TNRC18: variants seen among roughly 807,000 people sequenced by gnomAD.
TNRC18 encodes trinucleotide repeat-containing gene 18 protein.
TNRC18 carries 69 observed loss-of-function variants against 226.7 expected under a neutral mutation model. That is an observed-to-expected ratio of 0.30 (90% CI 0.25 to 0.37). The LOEUF (loss-of-function observed/expected upper bound fraction) is 0.37. Among genes scored for constraint, TNRC18 ranks in the 10% least tolerant of loss-of-function variants. The pLI is 1.00. For synonymous variants in TNRC18, 2,449 were observed against 1,927.6 expected (o/e 1.27, Z -7.09); for missense variants, 4,754 against 4,256.6 (o/e 1.12, Z -3.25).
chr7:5,362,358 G>A (rs1278206960), intron 12 of TNRC18, among the ~76,000 whole-genome samples: 2 of 151,822 alleles, frequency 1.3e-5, no homozygotes, highest in African/African-American at 4.8e-5. Context: ...CCCAGGCCCC[G>A]TGGGCACCTA....
chr7:5,363,461 G>A (rs985184264), intron 11 of TNRC18, among the ~76,000 whole-genome samples: 5 of 152,110 alleles, frequency 3.3e-5, no homozygotes, highest in South Asian at 2.1e-4. Flanking sequence ...AAAATTAGCC[G>A]GGTGTGGTGG....
chr7:5,338,805 A>G lies in TNRC18; in HGVS notation c.5720-5756T>C, dbSNP rs537574865. Among the ~76,000 whole-genome samples the G allele has an allele frequency of 4.6e-5, 7 of 151,018 alleles. No individual in the cohort carries two copies. In the South Asian group the frequency reaches 1.5e-3, roughly 32 times the overall value. ...CATGGAGGCGCATGCCTGCAATCCC[A>G]GCTACTTGGGAGGCTGAGGCAGGAG... On this transcript the variant is annotated intron_variant, in intron 18 of 29. Coordinates refer to ENST00000430969, the MANE Select transcript of TNRC18 (RefSeq NM_001080495.3).
At position 5,423,746 on chromosome 7, in the gene TNRC18, GT is replaced by G. The variant is rs1344491038; in HGVS notation, c.-550del. ...TTTTAATAAAATCCAGGTAGCGCCG[GT>G]TTAAAGAATCCCAAATCTCCATATA... is the stretch of plus-strand genomic sequence containing the variant. On this transcript the variant is annotated 5_prime_UTR_variant, in exon 1 of 30. It removes the in-frame stop codon of an upstream open reading frame in the 5' UTR. Coordinates refer to ENST00000430969, the MANE Select transcript of TNRC18 (RefSeq NM_001080495.3). Among the ~76,000 whole-genome samples the G allele has an allele frequency of 1.3e-5, 2 of 151,476 alleles. No individual in the cohort carries two copies. Among genetic ancestry groups the G allele is most frequent in the African/African-American group, 4.9e-5 (2 of 41,230 alleles).
intron 18 of TNRC18, among the ~76,000 whole-genome samples, chr7:5,335,916 A>T (rs1790056360): frequency 6.6e-6 from 1 of 151,570 alleles, no homozygotes. Context: ...GTCCGCAATT[A>T]CTAGACAAGG....
rs930436475 is a variant in TNRC18, at chr7:5,387,655, C to T, written c.2152+17G>A. 2 of 1,601,798 alleles carry T rather than the reference C, an allele frequency of 1.2e-6. No homozygotes were observed. The highest frequency in any genetic ancestry group is 1.7e-6 in the Non-Finnish European group (2 of 1,179,782). ...ACCCAAGATCCTACCCGCACCTGGG[C>T]TCTGCCCAGGACCTACCTTTGACGT... On this transcript the variant is annotated intron_variant, in intron 5 of 29. Coordinates refer to ENST00000430969, the MANE Select transcript of TNRC18 (RefSeq NM_001080495.3).
chr7:5,332,831 G>C lies in TNRC18; in HGVS notation c.5938C>G (p.Pro1980Ala). Residue 1980 changes from proline (P) to alanine (A), a missense_variant, in exon 19 of 30, where the codon CCT (proline) becomes GCT (alanine). Pro to Ala is a conservative substitution (Grantham distance 27, BLOSUM62 -1). Transcript: ENST00000430969. Reference sequence around the variant, plus strand: ...GCCTCGGGCCCCGCCTCGAAGCCAGGCTCCTTGGGGCCCCGCAGCTTCCGG... The same window carrying C: ...GCCTCGGGCCCCGCCTCGAAGCCAGCCTCCTTGGGGCCCCGCAGCTTCCGG... The part of the protein sequence containing the change: ...KARKLRGPKE[P>A]GFEAGPEASD... The C allele has an allele frequency of 6.6e-7, 1 of 1,506,294 alleles. No homozygotes were observed. The highest frequency in any genetic ancestry group is 2.6e-5 in the East Asian group (1 of 38,952). The allele number at this position is 1,506,294 out of a possible 1,614,324, so 93.3% of individuals were successfully genotyped here. A position where few individuals can be genotyped will look rare whatever the true frequency, so the allele number is the denominator to read the frequency against.
At position 5,373,920 on chromosome 7, in the gene TNRC18, G is replaced by A. The variant is rs779689252; in HGVS notation, c.3229+135C>T. On this transcript the variant is annotated intron_variant, in intron 10 of 29. Coordinates refer to ENST00000430969, the MANE Select transcript of TNRC18 (RefSeq NM_001080495.3). ...CCTGTGTTTGTCTCAGTGTCTGGCG[G>A]CAGGCCTGGGACGCAGGAGGTGCTC... 3.4e-4 allele frequency: 214 copies of A among 629,806 alleles called. 1 individual carries two copies. Among genetic ancestry groups the A allele is most frequent in the Non-Finnish European group, 3.2e-5 (13 of 403,774 alleles). 39.0% of individuals were successfully genotyped at this position (629,806 alleles called of 1,614,324 possible). A position where few individuals can be genotyped will look rare whatever the true frequency, so the allele number is the denominator to read the frequency against.
chr7:5,361,332 C>T (rs1426735249), intron 14 of TNRC18, among the ~76,000 whole-genome samples: 4 of 152,202 alleles, frequency 2.6e-5, no homozygotes, highest in Admixed American at 6.5e-5. Flanking sequence ...AGGAGGCAGG[C>T]GTGGCAGGAA....
intron 11 of TNRC18, among the ~76,000 whole-genome samples, chr7:5,365,164 C>A (rs1280700988): frequency 6.6e-6 from 1 of 152,144 alleles, no homozygotes; most frequent in Non-Finnish European, 1.5e-5. Flanking sequence ...CCCACCCTGG[C>A]TGGAGTTCAC....
intron 27 of TNRC18, among the ~76,000 whole-genome samples, chr7:5,311,661 A>C (rs1261393944): frequency 6.6e-6 from 1 of 151,988 alleles, no homozygotes; most frequent in Admixed American, 6.6e-5. Context: ...AAAAATATTT[A>C]AAAATCAGCT....
At position 5,324,305 on chromosome 7, in the gene TNRC18, G is replaced by T; in HGVS notation, c.6351C>A (p.Ala2117=). 1 of 1,613,596 alleles carries T rather than the reference G, an allele frequency of 6.2e-7. No homozygotes were observed. The highest frequency in any genetic ancestry group is 8.5e-7 in the Non-Finnish European group (1 of 1,179,720). The change falls in exon 21 of 30, where the codon GCC becomes GCA. Residue 2117 remains alanine (A), a synonymous_variant. Transcript: ENST00000430969. This position sits in a 1 kb window ranked among gnomAD's most constrained non-coding sequence, Gnocchi z 4.8. ...CTTGGTTGGGTTCAAAGTCCTCCTC[G>T]GCTGCCATGCTCTCCATCAGCTTGC... The part of the protein sequence containing the change: ...AVSKLMESMA[A]EEDFEPNQDS...
intron 14 of TNRC18, among the ~76,000 whole-genome samples, chr7:5,359,827 T>TCACA (rs35120436): frequency 2.6e-4 from 39 of 151,408 alleles, no homozygotes; most frequent in Middle Eastern, 6.9e-3. Context: ...ACGCGTACAC[T>TCACA]CACACACACA....
At chr7:5,414,792 A>C (rs1562641580) in intron 2 of TNRC18, among the ~76,000 whole-genome samples, 1 of 152,198 alleles carries the variant, frequency 6.6e-6, no homozygotes, top group Non-Finnish European at 1.5e-5. Context: ...CATAAAACCT[A>C]ACAGTGATCT....
At chr7:5,390,970 G>C (rs995742922) in intron 3 of TNRC18, among the ~76,000 whole-genome samples, 1 of 152,162 alleles carries the variant, frequency 6.6e-6, no homozygotes, top group Non-Finnish European at 1.5e-5. Flanking sequence ...CTATAAGGAA[G>C]AGACTTAATG....
In TNRC18 at chr7:5,374,497, C is replaced by CG. The variant is rs1270861478; in HGVS notation, c.2800-14dup. On this transcript the variant is annotated splice_polypyrimidine_tract_variant and intron_variant, in intron 9 of 29. Coordinates refer to ENST00000430969, the MANE Select transcript of TNRC18 (RefSeq NM_001080495.3). Reference sequence around the variant, plus strand: ...TCAACCGCTCCTGCTGGGAAGGGGCCGGCAGGCAGGGTCAGCACGGCACGA... The same window carrying CG: ...TCAACCGCTCCTGCTGGGAAGGGGCCGGGCAGGCAGGGTCAGCACGGCACGA... 5.8e-6 allele frequency: 9 copies of CG among 1,541,356 alleles called. No homozygotes were observed. Among genetic ancestry groups the CG allele is most frequent in the Non-Finnish European group, 7.9e-6 (9 of 1,143,368 alleles).
At position 5,370,548 on chromosome 7, in the gene TNRC18, G is replaced by A. The variant is rs530736998; in HGVS notation, c.4046C>T (p.Ala1349Val). The change falls in exon 11 of 30, where the codon GCG becomes GTG. Residue 1349 changes from alanine (A) to valine (V), a missense_variant. Physicochemically the swap from Ala to Val is moderately conservative, Grantham distance 64. Coordinates refer to ENST00000430969, the MANE Select transcript of TNRC18 (RefSeq NM_001080495.3). Reference protein sequence around the residue: ...LAGMNALAAAAELPQARPLPS... With the variant: ...LAGMNALAAAVELPQARPLPS... ...CAGAGGCCTGGCCTGGGGCAGCTCC[G>A]CAGCTGCCGCCAGGGCGTTCATGCC... The A allele has an allele frequency of 6.2e-5, 99 of 1,607,858 alleles. 2 individuals are homozygous for A. Among genetic ancestry groups the A allele is most frequent in the South Asian group, 4.0e-4 (36 of 90,066 alleles).
At chr7:5,328,989 TATAA>T (rs1458976880) in intron 19 of TNRC18, among the ~76,000 whole-genome samples, 1 of 152,036 alleles carries the variant, frequency 6.6e-6, no homozygotes, top group Non-Finnish European at 1.5e-5. Context: ...CTCTGTCTCT[TATAA>T]ATAAATACAA....
chr7:5,413,160 G>A (rs934178276), intron 2 of TNRC18, among the ~76,000 whole-genome samples: 8 of 152,178 alleles, frequency 5.3e-5, no homozygotes, highest in African/African-American at 1.9e-4. Flanking sequence ...GAAAAGCCGG[G>A]GCAAGGGTCT....
At chr7:5,349,486 C>T (rs2128143532) in intron 17 of TNRC18, among the ~76,000 whole-genome samples, 1 of 152,256 alleles carries the variant, frequency 6.6e-6, no homozygotes, top group Admixed American at 6.5e-5. Context: ...ATGGGGTTGG[C>T]GGTGACAGGT....
Sources: gnomAD v4.1 joint callset for allele counts (sites outside exome capture counted in the v4.1 genomes callset) on GRCh38, gnomAD v4.1.1 for gene constraint, Gnocchi (gnomAD v3.1) non-coding constraint, MANE v1.5 for transcripts, NCBI Gene and HGNC (gene_info 2026-07-23, HGNC 2026-07-21) for gene names.